The following DNAH17 variants were observed in gnomAD, a reference collection of about 807,000 sequenced individuals.
DNAH17 encodes axonemal beta dynein heavy chain 17.
Under a neutral mutation model 485.6 loss-of-function variants are expected in DNAH17, and 376 were observed. The ratio of observed to expected loss-of-function variants is 0.77; its 90% CI spans 0.71 to 0.84. DNAH17 has a LOEUF of 0.84. DNAH17 is among the 40% of genes least tolerant of loss of function. The pLI, the probability that DNAH17 is intolerant of heterozygous loss-of-function variation, is 0.00. For missense variants in DNAH17, 6,370 were observed against 5,839.3 expected (o/e 1.09, Z -2.96); for synonymous variants, 3,031 against 2,405.9 (o/e 1.26, Z -7.60).
intron 25 of DNAH17, 94 bp downstream of exon 25, chr17:78,524,915 C>CA: frequency 6.7e-7 from 1 of 1,493,570 alleles, no homozygotes; most frequent in South Asian, 1.3e-5. Flanking sequence ...CACATTCTTA[C>CA]AACCAAAGGG....
At chr17:78,494,929 C>A (rs1447487065) in intron 39 of DNAH17, 30 bp downstream of exon 39, 1 of 1,596,614 alleles carries the variant, frequency 6.3e-7, no homozygotes, top group Non-Finnish European at 8.6e-7. Flanking sequence ...CTCCCACCCA[C>A]ACCCGCCGTG....
At chr17:78,460,994 C>G (rs937296366) in intron 58 of DNAH17, among the ~76,000 whole-genome samples, 2 of 152,094 alleles carry the variant, frequency 1.3e-5, no homozygotes, top group Non-Finnish European at 2.9e-5. Flanking sequence ...AGAAGCTGCT[C>G]CAATGATGCT....
Position 78,486,371 on chromosome 17 carries a change from C to G in DNAH17, c.6954G>C (p.Glu2318Asp). The change falls in exon 45 of 81, where the codon GAG (glutamate) becomes GAC (aspartate). Residue 2318 changes from glutamate to aspartate, a missense_variant. Glu to Asp is a conservative substitution (Grantham distance 45). Coordinates refer to ENST00000389840, the MANE Select transcript of DNAH17 (RefSeq NM_173628.4). ...FGFKKITPVP[E>D]ITVIQTILYL... ...ACAGAATCGTTTGGATCACCGTGAT[C>G]TCCGGCACTGGCGTGATCTTCTTGA... 1.2e-6 allele frequency: 2 copies of G among 1,613,900 alleles called. No homozygotes were observed. The highest frequency in any genetic ancestry group is 1.7e-6 in the Non-Finnish European group (2 of 1,179,844).
chr17:78,461,816 G>A lies in DNAH17; in HGVS notation c.9175-108C>T, dbSNP rs1225624391. ...AGCCACAGAGGGGCAGAACGGCAGG[G>A]CCGTGTCTTACGACTCCCAGTGACT... On this transcript the variant is annotated intron_variant, in intron 57 of 80. Transcript: ENST00000389840. 16 of 1,119,268 alleles carry A rather than the reference G, an allele frequency of 1.4e-5. No homozygotes were observed. The South Asian group carries it at 1.6e-4, about 11-fold the overall frequency. The allele number at this position is 1,119,268 out of a possible 1,614,324, so 69.3% of individuals were successfully genotyped here.
chr17:78,571,716 G>C lies in DNAH17; in HGVS notation c.606C>G (p.His202Gln). 4 of 1,613,684 alleles carry C rather than the reference G, an allele frequency of 2.5e-6. No homozygotes were observed. The South Asian group carries it at 3.3e-5, about 13-fold the overall frequency. ...CTTTGCTCAGCACATCCCGGATCTGGTGGGACCAGTCGATGATGGTGGTTT... is the reference window on the plus strand; with the variant it reads ...CTTTGCTCAGCACATCCCGGATCTGCTGGGACCAGTCGATGATGGTGGTTT... ...AIETTIIDWSHQIRDVLSKDS... is the reference protein window; with the variant it reads ...AIETTIIDWSQQIRDVLSKDS... The change falls in exon 4 of 81, where the codon CAC becomes CAG. Residue 202 changes from histidine (H) to glutamine (Q), a missense_variant. By Grantham distance (24) the His-to-Gln change is conservative. Coordinates refer to ENST00000389840, the MANE Select transcript of DNAH17 (RefSeq NM_173628.4).
intron 51 of DNAH17, 58 bp from the exon 52 acceptor site, chr17:78,476,791 TG>T: frequency 6.4e-7 from 1 of 1,566,332 alleles, no homozygotes; most frequent in Admixed American, 1.9e-5. Flanking sequence ...AGCCCAGAGC[TG>T]GACACAGATG....
At chr17:78,557,651 A>G (rs986490190) in intron 14 of DNAH17, among the ~76,000 whole-genome samples, 1 of 150,670 alleles carries the variant, frequency 6.6e-6, no homozygotes, top group African/African-American at 2.4e-5. Flanking sequence ...AAAAAAAAAA[A>G]AAAAAAAAAA....
chr17:78,490,273 A>G (rs1347758332), intron 44 of DNAH17, among the ~76,000 whole-genome samples: 1 of 152,146 alleles, frequency 6.6e-6, no homozygotes, highest in African/African-American at 2.4e-5. Context: ...GAACCCGACC[A>G]CTGCCCATCC....
intron 11 of DNAH17, among the ~76,000 whole-genome samples, chr17:78,564,868 G>A (rs180763561): frequency 6.6e-6 from 1 of 152,206 alleles, no homozygotes; most frequent in Non-Finnish European, 1.5e-5. Context: ...CAGCCTGGGG[G>A]CATTTGAGTG....
chr17:78,465,105 T>C (rs2088354745), intron 56 of DNAH17, among the ~76,000 whole-genome samples: 1 of 152,160 alleles, frequency 6.6e-6, no homozygotes, highest in African/African-American at 2.4e-5. Flanking sequence ...CACGCCTGAC[T>C]GGTTTTGGTG....
Position 78,566,515 on chromosome 17 carries a change from C to A in DNAH17, c.1569+99G>T. Reference sequence around the variant, plus strand: ...CCTCCCTCCCTGGACATCAGCTCTACATGGAGAGGATGAAATGGTCTCCAA... The same window carrying A: ...CCTCCCTCCCTGGACATCAGCTCTAAATGGAGAGGATGAAATGGTCTCCAA... On this transcript the variant is annotated intron_variant, in intron 11 of 80. Transcript: ENST00000389840. 1.0e-5 allele frequency: 9 copies of A among 895,156 alleles called. No homozygotes were observed. In the South Asian group the frequency reaches 1.4e-4, roughly 14 times the overall value. 55.5% of individuals were successfully genotyped at this position (895,156 alleles called of 1,614,324 possible).
At chr17:78,558,525 T>A (rs1482428571) in intron 13 of DNAH17, among the ~76,000 whole-genome samples, 1 of 151,080 alleles carries the variant, frequency 6.6e-6, no homozygotes, top group Non-Finnish European at 1.5e-5. Flanking sequence ...GACATCACCC[T>A]CATGGGTGGA....
At position 78,476,650 on chromosome 17, in the gene DNAH17, AT is replaced by A; in HGVS notation, c.8075del (p.Tyr2692LeufsTer56). 6.2e-7 allele frequency: 1 copy of A among 1,612,730 alleles called. No individual in the cohort carries two copies. The highest frequency in any genetic ancestry group is 8.5e-7 in the Non-Finnish European group (1 of 1,179,398). ...CTTTTTCGTCAACCATTTTGTCACCATACACTCGTTCAGTCTCATGTAGCCA... is the reference window on the plus strand; with the variant it reads ...CTTTTTCGTCAACCATTTTGTCACCAACACTCGTTCAGTCTCATGTAGCCA... Reference protein sequence around the residue: ...RLWLHETERVYGDKMVDEKDQ... With the variant: ...RLWLHETERVXGDKMVDEKDQ... On this transcript the variant is annotated frameshift_variant, in exon 52 of 81. Transcript: ENST00000389840. LOFTEE classifies it high-confidence loss of function.
At position 78,574,620 on chromosome 17, in the gene DNAH17, C is replaced by T. The variant is rs532197038; in HGVS notation, c.345+93G>A. On this transcript the variant is annotated intron_variant, in intron 2 of 80. Coordinates refer to ENST00000389840, the MANE Select transcript of DNAH17 (RefSeq NM_173628.4). ...TCCCCGGCTCTGCAGCTGCTGCTGG[C>T]CCAGGGACTCCAGGCTGAGCAGCAG... The T allele has an allele frequency of 1.3e-5, 15 of 1,138,934 alleles. No individual in the cohort carries two copies. In the East Asian group the frequency reaches 3.6e-4, roughly 28 times the overall value. 70.6% of individuals were successfully genotyped at this position (1,138,934 alleles called of 1,614,324 possible).
chr17:78,571,541 C>A, intron 4 of DNAH17, 49 bp downstream of exon 4: 2 of 1,601,726 alleles, frequency 1.2e-6, no homozygotes, highest in South Asian at 1.1e-5. Context: ...TCGGCCCGGT[C>A]GCCCAGCTGG....
At chr17:78,476,817 C>T in intron 51 of DNAH17, 84 bp from the exon 52 acceptor site, 3 of 1,480,520 alleles carry the variant, frequency 2.0e-6, no homozygotes, top group Non-Finnish European at 2.7e-6. Flanking sequence ...TGAGGAGCAG[C>T]CCCCTCCCCC....
At chr17:78,535,776 T>C (rs2091358316) in intron 19 of DNAH17, among the ~76,000 whole-genome samples, 1 of 152,194 alleles carries the variant, frequency 6.6e-6, no homozygotes, top group Non-Finnish European at 1.5e-5. Context: ...CATTGTTCTG[T>C]AACTTGATAA....
chr17:78,559,203 G>A (rs969421354), intron 13 of DNAH17, among the ~76,000 whole-genome samples: 1 of 152,122 alleles, frequency 6.6e-6, no homozygotes, highest in Non-Finnish European at 1.5e-5. Context: ...TGTGTGGGTG[G>A]CTCCCACGTT....
rs141968026 is a variant in DNAH17, at chr17:78,459,167, C to T, written c.9695G>A (p.Arg3232His). The change falls in exon 61 of 81, where the codon CGC (arginine) becomes CAC (histidine). Residue 3232 changes from arginine (R) to histidine (H), a missense_variant. Transcript: ENST00000389840. The part of the protein sequence containing the change: ...GNPTFDPEFI[R>H]SKSTAAAGLC... ...GCCGGCGGCGGCCGTGGACTTGGAGCGGATGAACTCGGGGTCGAACGTCGG... is the reference window on the plus strand; with the variant it reads ...GCCGGCGGCGGCCGTGGACTTGGAGTGGATGAACTCGGGGTCGAACGTCGG... 8.7e-6 allele frequency: 14 copies of T among 1,613,812 alleles called. No homozygotes were observed. Among genetic ancestry groups the T allele is most frequent in the Non-Finnish European group, 1.1e-5 (13 of 1,179,910 alleles).
Sources: allele counts gnomAD v4.1 joint callset (sites outside exome capture counted in the v4.1 genomes callset), GRCh38; gene constraint gnomAD v4.1.1; transcripts MANE v1.5; gene names NCBI Gene and HGNC (gene_info 2026-07-23, HGNC 2026-07-21).